MICAL2: variants seen among roughly 807,000 people sequenced by gnomAD.
MICAL2 encodes [F-actin]-monooxygenase MICAL2.
In MICAL2, 77 loss-of-function variants were observed where a neutral mutation model predicts 127.3. That is an observed-to-expected ratio of 0.60 (90% CI 0.50 to 0.73). The LOEUF (loss-of-function observed/expected upper bound fraction) is 0.73. MICAL2 is among the 30% of genes least tolerant of loss of function. The pLI, the probability that MICAL2 is intolerant of heterozygous loss-of-function variation, is 0.00. For missense variants in MICAL2, 1,351 were observed against 1,434.4 expected (o/e 0.94, Z 0.94); for synonymous variants, 570 against 551.1 (o/e 1.03, Z -0.48).
At chr11:12,119,943 G>T (rs955760625) in intron 1 of MICAL2, among the ~76,000 whole-genome samples, 3 of 152,242 alleles carry the variant, frequency 2.0e-5, no homozygotes, top group African/African-American at 7.2e-5. Context: ...TCAGAGTCAG[G>T]TCTCTTTTCC....
At position 12,262,473 on chromosome 11, in the gene MICAL2, C is replaced by T. The variant is rs1863266574; in HGVS notation, c.3335-7C>T. The stretch of plus-strand genomic sequence containing the variant: ...CTCTCTTTCCAATCTTACGCCATGG[C>T]CATCAGTTCATTTCAGCCTTCCAGT... On this transcript the variant is annotated splice_region_variant and splice_polypyrimidine_tract_variant and intron_variant, in intron 26 of 27. Transcript: ENST00000683283. 2 of 1,613,794 alleles carry T rather than the reference C, an allele frequency of 1.2e-6. No individual in the cohort carries two copies. The highest frequency in any genetic ancestry group is 1.7e-6 in the Non-Finnish European group (2 of 1,180,006).
chr11:12,318,080 G>A (rs891721016), intron 29 of MICAL2, among the ~76,000 whole-genome samples: 13 of 152,154 alleles, frequency 8.5e-5, no homozygotes, highest in Non-Finnish European at 1.6e-4. Flanking sequence ...ATGATCACGT[G>A]GTTCCTGCTG....
At chr11:12,294,451 C>A, downstream of MICAL2, 1 of 1,614,238 alleles carries the variant, frequency 6.2e-7, no homozygotes, top group African/African-American at 1.3e-5. Flanking sequence ...GCCCTCCTGA[C>A]CCTGCCCTCC....
rs1405499044 is a variant in MICAL2, at chr11:12,268,852, A to G, written c.3335-7134A>G. 3.3e-4 allele frequency among the ~76,000 whole-genome samples: 49 copies of G among 150,712 alleles called. 1 individual carries two copies. The highest frequency in any genetic ancestry group is 3.2e-3 in the Admixed American group (49 of 15,152). On this transcript the variant is annotated intron_variant, in intron 24 of 34. Transcript: ENST00000646065. ...AAAAATACAAAAAAAAAAAAAAATT[A>G]GCCAGGCGTAGTGGCAGGCGCCTGT...
chr11:12,334,793 T>A (rs532567476), intron 32 of MICAL2, among the ~76,000 whole-genome samples: 1 of 152,170 alleles, frequency 6.6e-6, no homozygotes, highest in East Asian at 1.9e-4. Flanking sequence ...ACTCATCATT[T>A]TTTATGGCTG....
chr11:12,352,110 T>C (rs568809805), intron 33 of MICAL2, among the ~76,000 whole-genome samples: 107 of 152,340 alleles, frequency 7.0e-4, no homozygotes, highest in African/African-American at 2.3e-3. Flanking sequence ...TTTAAGTTGA[T>C]GCATATACTG....
chr11:12,341,634 C>T (rs1938867612), intron 32 of MICAL2, among the ~76,000 whole-genome samples: 1 of 152,220 alleles, frequency 6.6e-6, no homozygotes, highest in Middle Eastern at 3.4e-3. Context: ...CAAGACCAGC[C>T]TGGCCAACAT....
intron 21 of MICAL2, among the ~76,000 whole-genome samples, chr11:12,245,448 G>A (rs1860603389): frequency 6.6e-6 from 1 of 152,228 alleles, no homozygotes. Context: ...CCACCTCTGT[G>A]AGGAGAACGG....
chr11:12,348,437 G>A (rs1427045157), intron 32 of MICAL2, among the ~76,000 whole-genome samples: 3 of 152,080 alleles, frequency 2.0e-5, no homozygotes, highest in Non-Finnish European at 4.4e-5. Context: ...TATATATAAG[G>A]GACTTGAGCA....
intron 31 of MICAL2, chr11:12,324,077 A>G: frequency 6.2e-7 from 1 of 1,606,398 alleles, no homozygotes; most frequent in South Asian, 1.1e-5. Flanking sequence ...TCAGGTCAGT[A>G]AATAAACTGG....
chr11:12,294,686 G>T, downstream of MICAL2: 4 of 1,614,136 alleles, frequency 2.5e-6, no homozygotes, highest in Non-Finnish European at 3.4e-6. Context: ...ACAAAGAAAG[G>T]ACATCAGGGA....
intron 1 of MICAL2, among the ~76,000 whole-genome samples, chr11:12,114,327 T>A (rs1849829626): frequency 6.6e-6 from 1 of 152,244 alleles, no homozygotes; most frequent in South Asian, 2.1e-4. Flanking sequence ...CTACTGCACG[T>A]AACAGAATTA....
chr11:12,301,866 A>G (rs1417766420), intron 29 of MICAL2, among the ~76,000 whole-genome samples: 3 of 152,240 alleles, frequency 2.0e-5, no homozygotes, highest in African/African-American at 7.2e-5. Context: ...ATGGCTTATC[A>G]GGTCCTTGAG....
intron 3 of MICAL2, among the ~76,000 whole-genome samples, chr11:12,170,553 G>A (rs564755425): frequency 1.1e-3 from 165 of 152,344 alleles, no homozygotes; most frequent in Non-Finnish European, 2.0e-3. Context: ...TATTTCTCTT[G>A]AAAATTTCAT....
chr11:12,195,482 A>G (rs1343317808), intron 3 of MICAL2, among the ~76,000 whole-genome samples: 2 of 152,168 alleles, frequency 1.3e-5, no homozygotes, highest in Non-Finnish European at 2.9e-5. Context: ...GGTGGGGAGT[A>G]TTTGGATGTC....
intron 18 of MICAL2, among the ~76,000 whole-genome samples, chr11:12,241,758 G>A (rs1261969203): frequency 6.6e-6 from 1 of 152,220 alleles, no homozygotes; most frequent in African/African-American, 2.4e-5. Context: ...TTTGTGTGTT[G>A]CTCCCAGGTG....
chr11:12,216,917 T>G (rs1856232470), intron 8 of MICAL2, among the ~76,000 whole-genome samples: 1 of 152,226 alleles, frequency 6.6e-6, no homozygotes, highest in African/African-American at 2.4e-5. Flanking sequence ...ATAGAGCACC[T>G]GGCACAGTGC....
At chr11:12,223,376 A>G in intron 11 of MICAL2, 35 bp from the exon 12 acceptor site, 1 of 1,588,998 alleles carries the variant, frequency 6.3e-7, no homozygotes. Context: ...ATTTGGGGGA[A>G]AACTGGTGGG....
At chr11:12,292,417 G>C, downstream of MICAL2, 2 of 1,089,684 alleles carry the variant, frequency 1.8e-6, no homozygotes, top group Non-Finnish European at 2.7e-6. Context: ...TGCAAAGCCA[G>C]CGCCAGAAGA....
Sources: allele counts gnomAD v4.1 joint callset (sites outside exome capture counted in the v4.1 genomes callset), GRCh38; gene constraint gnomAD v4.1.1; transcripts MANE v1.5; gene names NCBI Gene and HGNC (gene_info 2026-07-23, HGNC 2026-07-21).